Variants in VPS13C observed in about 807,000 individuals in gnomAD.
The protein encoded by VPS13C is intermembrane lipid transfer protein VPS13C.
Under a neutral mutation model 456.8 loss-of-function variants are expected in VPS13C, and 358 were observed. That is an observed-to-expected ratio of 0.78 (90% CI 0.72 to 0.86). The LOEUF (loss-of-function observed/expected upper bound fraction) is 0.86. Among genes scored for constraint, VPS13C ranks in the 40% least tolerant of loss-of-function variants. VPS13C has a pLI of 0.00. For synonymous variants in VPS13C, 1,578 were observed against 1,486.7 expected (o/e 1.06, Z -1.41); for missense variants, 4,818 against 4,385.4 (o/e 1.10, Z -2.79).
chr15:61,882,194 A>G (rs1405119690), intron 69 of VPS13C, among the ~76,000 whole-genome samples: 1 of 152,156 alleles, frequency 6.6e-6, no homozygotes, highest in East Asian at 1.9e-4. Flanking sequence ...AAAGTAGCCT[A>G]AACAGTACTT....
chr15:61,897,406 A>C (rs1191662290), intron 66 of VPS13C, among the ~76,000 whole-genome samples: 1 of 152,240 alleles, frequency 6.6e-6, no homozygotes, highest in Non-Finnish European at 1.5e-5. Flanking sequence ...GAAGTGATTA[A>C]AGGAACTGAT....
chr15:61,955,979 T>C (rs1268438151), intron 37 of VPS13C, among the ~76,000 whole-genome samples: 2 of 151,998 alleles, frequency 1.3e-5, no homozygotes, highest in Non-Finnish European at 2.9e-5. Context: ...ACAGGGTACA[T>C]ACCCAAAGAA....
intron 9 of VPS13C, among the ~76,000 whole-genome samples, chr15:62,017,896 T>C (rs1451865232): frequency 6.6e-6 from 1 of 152,244 alleles, no homozygotes; most frequent in South Asian, 2.1e-4. Flanking sequence ...ATTTTCACGA[T>C]ATTGATTCTT....
chr15:62,028,304 G>T, intron 6 of VPS13C, 54 bp downstream of exon 6: 1 of 1,578,274 alleles, frequency 6.3e-7, no homozygotes. Flanking sequence ...AAAAGCACAA[G>T]CATACACAAG....
intron 1 of VPS13C, among the ~76,000 whole-genome samples, chr15:62,057,265 AAAG>A (rs1275156277): frequency 2.0e-5 from 3 of 152,226 alleles, no homozygotes; most frequent in Non-Finnish European, 4.4e-5. Context: ...AATAGTTGTC[AAAG>A]AAGATTATAT....
intron 66 of VPS13C, among the ~76,000 whole-genome samples, chr15:61,901,353 C>G (rs2140113774): frequency 6.6e-6 from 1 of 152,098 alleles, no homozygotes; most frequent in East Asian, 1.9e-4. Flanking sequence ...AGTTTCGCAA[C>G]CTACTCATCT....
In VPS13C at chr15:62,006,376, T is replaced by C. The variant is rs552721204; in HGVS notation, c.1290+932A>G. ...GGTGTTTGGTTTTTTGTCCTTGCGA[T>C]AGTTTGCTGAGAATGATGGTTTCCA... On this transcript the variant is annotated intron_variant, in intron 15 of 84. Transcript: ENST00000644861. Among the ~76,000 whole-genome samples, 15 of 152,262 alleles carry C rather than the reference T, an allele frequency of 9.9e-5. No homozygotes were observed. The South Asian group carries it at 2.9e-3, about 29-fold the overall frequency.
rs755656180 is a variant in VPS13C at position 62,007,403 on chromosome 15, TTA to T, written c.1193_1194del (p.Ile398LysfsTer11). On this transcript the variant is annotated frameshift_variant, in exon 15 of 85. Transcript: ENST00000644861. LOFTEE classifies it high-confidence loss of function. ...RYTQMWSWSN[I>X]KKHRQLLKSY... is the part of the protein sequence containing the mutation. ...CTCTTGAGTAACTGCCTGTGCTTTTTTATGTTACTCCATGACCACATCTGTGT... is the reference window on the plus strand; with the variant it reads ...CTCTTGAGTAACTGCCTGTGCTTTTTTGTTACTCCATGACCACATCTGTGT... The T allele has an allele frequency of 2.5e-6, 4 of 1,613,140 alleles. No individual in the cohort carries two copies. Among genetic ancestry groups the T allele is most frequent in the Admixed American group, 1.7e-5 (1 of 59,938 alleles).
At chr15:61,930,583 CA>C (rs2044022424) in intron 50 of VPS13C, among the ~76,000 whole-genome samples, 1 of 152,200 alleles carries the variant, frequency 6.6e-6, no homozygotes, top group Non-Finnish European at 1.5e-5. Flanking sequence ...TTGAAAATTA[CA>C]TATTTCCCAT....
rs2046357640 is a variant in VPS13C, at chr15:61,995,591, G to A, written c.1354-3789C>T. On this transcript the variant is annotated intron_variant, in intron 16 of 84. Coordinates refer to ENST00000644861, the MANE Select transcript of VPS13C (RefSeq NM_020821.3). ...AGAAGAAAGCTGCCATGTTATGGTTGTCTATGTTGGGAAGCCCATTAGGCA... is the reference window on the plus strand; with the variant it reads ...AGAAGAAAGCTGCCATGTTATGGTTATCTATGTTGGGAAGCCCATTAGGCA... Among the ~76,000 whole-genome samples the A allele has an allele frequency of 2.0e-5, 3 of 152,248 alleles. No individual in the cohort carries two copies. In the South Asian group the frequency reaches 6.2e-4, roughly 32 times the overall value.
At chr15:61,921,803 A>G in intron 55 of VPS13C, 144 bp downstream of exon 55, 1 of 681,016 alleles carries the variant, frequency 1.5e-6, no homozygotes, top group South Asian at 2.1e-5. Flanking sequence ...AAAATGACAT[A>G]TGAAAAGAGT....
chr15:61,875,842 A>C lies in VPS13C; in HGVS notation c.10228T>G (p.Leu3410Val). Residue 3410 changes from leucine (L) to valine (V), a missense_variant, in exon 76 of 85, where the codon TTG (leucine) becomes GTG (valine). This residue lies in a region of VPS13C where 4,552 missense variants were observed against 4,130.6 expected (regional missense o/e 1.10). Transcript: ENST00000644861. ...AATACAAGGACATACATCTGTTTCAAGAACTAAAAAAGAAAAAAAATTAAA... is the reference window on the plus strand; with the variant it reads ...AATACAAGGACATACATCTGTTTCACGAACTAAAAAAGAAAAAAAATTAAA... ...SVVRHYSEQF[L>V]KQMYVLVLGL... The C allele has an allele frequency of 6.4e-7, 1 of 1,569,186 alleles. No individual in the cohort carries two copies. Among genetic ancestry groups the C allele is most frequent in the Non-Finnish European group, 8.6e-7 (1 of 1,165,566 alleles).
At chr15:61,889,874 A>AACACAC (rs10689074) in intron 67 of VPS13C, among the ~76,000 whole-genome samples, 1 of 150,654 alleles carries the variant, frequency 6.6e-6, no homozygotes, top group African/African-American at 2.4e-5. Flanking sequence ...TAACTCATTA[A>AACACAC]ACACACACAC....
chr15:61,973,926 T>C (rs2045629213), intron 25 of VPS13C, among the ~76,000 whole-genome samples: 1 of 152,138 alleles, frequency 6.6e-6, no homozygotes, highest in African/African-American at 2.4e-5. Flanking sequence ...ACATTTCTAC[T>C]GTGTAAAGCC....
chr15:62,050,355 G>A (rs532140928), intron 1 of VPS13C, among the ~76,000 whole-genome samples: 2 of 152,288 alleles, frequency 1.3e-5, no homozygotes, highest in South Asian at 2.1e-4. Flanking sequence ...TGGGAGGAGG[G>A]TAGACAATAT....
chr15:61,942,987 G>C (rs1340442332), intron 45 of VPS13C, among the ~76,000 whole-genome samples: 1 of 151,968 alleles, frequency 6.6e-6, no homozygotes, highest in East Asian at 1.9e-4. Context: ...CCAAGCTAGA[G>C]AGCCAAATGA....
intron 79 of VPS13C, among the ~76,000 whole-genome samples, chr15:61,871,487 T>C (rs1021284613): frequency 6.6e-6 from 1 of 152,174 alleles, no homozygotes; most frequent in South Asian, 2.1e-4. Flanking sequence ...ATGTTAGTAC[T>C]ACACTGTCTT....
rs548613480 is a variant in VPS13C, at chr15:61,972,866, T to C, written c.2618-102A>G. 14 of 1,269,748 alleles carry C rather than the reference T, an allele frequency of 1.1e-5. No homozygotes were observed. The East Asian group carries it at 1.4e-4, about 13-fold the overall frequency. The allele number at this position is 1,269,748 out of a possible 1,614,324, so 78.7% of individuals were successfully genotyped here. ...TAAAAAGTGAAATTCATTTATTAGA[T>C]ATAATCTTCATATTCAGCATCAGAA... On this transcript the variant is annotated intron_variant, in intron 26 of 84. Coordinates refer to ENST00000644861, the MANE Select transcript of VPS13C (RefSeq NM_020821.3).
intron 79 of VPS13C, among the ~76,000 whole-genome samples, chr15:61,870,344 C>T (rs1455235220): frequency 2.0e-5 from 3 of 152,076 alleles, no homozygotes; most frequent in African/African-American, 7.2e-5. Flanking sequence ...TATGGATTTG[C>T]CTATTCTGGA....
Sources: allele counts gnomAD v4.1 joint callset (sites outside exome capture counted in the v4.1 genomes callset), GRCh38; gene constraint gnomAD v4.1.1; regional missense constraint gnomAD v4.1.1; transcripts MANE v1.5; gene names NCBI Gene and HGNC (gene_info 2026-07-23, HGNC 2026-07-21).